The following TMEM106B variants were observed in gnomAD, a reference collection of about 807,000 sequenced individuals.
TMEM106B encodes transmembrane protein 106B.
TMEM106B carries 15 observed loss-of-function variants against 31.1 expected under a neutral mutation model. That is an observed-to-expected ratio of 0.48 (90% CI 0.32 to 0.74). The LOEUF (loss-of-function observed/expected upper bound fraction) is 0.74. Among genes scored for constraint, TMEM106B ranks in the 30% least tolerant of loss-of-function variants. The pLI is 0.03. For missense variants in TMEM106B, 283 were observed against 327.3 expected (o/e 0.86, Z 1.04); for synonymous variants, 126 against 112.5 (o/e 1.12, Z -0.76).
rs1359304358 is a variant in TMEM106B, at chr7:12,233,966, G to A, written c.*1991G>A. Reference sequence around the variant, plus strand: ...TAGTGAACTACACATTTACTAAAATGTGTAAATTTTACACATTTAGTGACT... The same window carrying A: ...TAGTGAACTACACATTTACTAAAATATGTAAATTTTACACATTTAGTGACT... On this transcript the variant is annotated 3_prime_UTR_variant, in exon 8 of 8. Coordinates refer to ENST00000396668, the MANE Select transcript of TMEM106B (RefSeq NM_001134232.2). The A allele has an allele frequency of 6.6e-6, 1 of 151,548 alleles. No individual in the cohort carries two copies. Among genetic ancestry groups the A allele is most frequent in the Non-Finnish European group, 1.5e-5 (1 of 67,662 alleles). The allele number at this position is 151,548 out of a possible 1,614,324, so 9.4% of individuals were successfully genotyped here.
rs534447331 is a variant in TMEM106B, at chr7:12,227,450, C to T, written c.442-2229C>T. Among the ~76,000 whole-genome samples, 4 of 152,100 alleles carry T rather than the reference C, an allele frequency of 2.6e-5. No homozygotes were observed. The South Asian group carries it at 8.3e-4, about 32-fold the overall frequency. ...ATATACATTTACAAATGTAATCATTCTCATGTGTAAAGGATACACACATTC... is the reference window on the plus strand; with the variant it reads ...ATATACATTTACAAATGTAATCATTTTCATGTGTAAAGGATACACACATTC... On this transcript the variant is annotated intron_variant, in intron 4 of 7. Coordinates refer to ENST00000396668, the MANE Select transcript of TMEM106B (RefSeq NM_001134232.2).
rs529020920 is a variant in TMEM106B, at chr7:12,239,809, A to G, written c.*7834A>G. ...GCTGCCTCCAAATACTTACAAAAACATCAAAGATCACTGATTACAGATCAT... is the reference window on the plus strand; with the variant it reads ...GCTGCCTCCAAATACTTACAAAAACGTCAAAGATCACTGATTACAGATCAT... On this transcript the variant is annotated 3_prime_UTR_variant, in exon 8 of 8. Transcript: ENST00000396668. The G allele has an allele frequency of 2.0e-5, 3 of 152,198 alleles. No individual in the cohort carries two copies. Among genetic ancestry groups the G allele is most frequent in the African/African-American group, 7.2e-5 (3 of 41,468 alleles). The allele number at this position is 152,198 out of a possible 1,614,324, so 9.4% of individuals were successfully genotyped here.
intron 1 of TMEM106B, among the ~76,000 whole-genome samples, chr7:12,212,236 T>C (rs1781594151): frequency 6.6e-6 from 1 of 152,170 alleles, no homozygotes; most frequent in Non-Finnish European, 1.5e-5. Flanking sequence ...CGCGCTCCAG[T>C]TAAGATGCAG....
At chr7:12,224,805 G>A (rs1781865921) in intron 4 of TMEM106B, among the ~76,000 whole-genome samples, 2 of 151,246 alleles carry the variant, frequency 1.3e-5, no homozygotes, top group African/African-American at 4.9e-5. Context: ...TCCTTTATCA[G>A]CTTTAAAGAT....
intron 3 of TMEM106B, among the ~76,000 whole-genome samples, chr7:12,222,831 G>A (rs998321952): frequency 1.3e-5 from 2 of 151,958 alleles, no homozygotes; most frequent in African/African-American, 2.4e-5. Context: ...TCTTAACTTG[G>A]GCAACTTAAA....
At chr7:12,219,880 C>G (rs757627766) in intron 3 of TMEM106B, among the ~76,000 whole-genome samples, 8 of 151,726 alleles carry the variant, frequency 5.3e-5, no homozygotes, top group Non-Finnish European at 1.0e-4. Context: ...AGAAGAAAAC[C>G]AAAGGAATAG....
At chr7:12,213,290 A>C (rs1390444124) in intron 1 of TMEM106B, among the ~76,000 whole-genome samples, 1 of 150,926 alleles carries the variant, frequency 6.6e-6, no homozygotes, top group Non-Finnish European at 1.5e-5. Context: ...TCAACTGTTG[A>C]ATGAAAAAAA....
chr7:12,214,806 T>C lies in TMEM106B; in HGVS notation c.-2-3T>C. On this transcript the variant is annotated splice_polypyrimidine_tract_variant and splice_region_variant and intron_variant, in intron 1 of 7. Transcript: ENST00000396668. ...TTACTGTAAGATTTTTATTTTTCTTTAGACATGGGAAAGTCTCTTTCTCAT... is the reference window on the plus strand; with the variant it reads ...TTACTGTAAGATTTTTATTTTTCTTCAGACATGGGAAAGTCTCTTTCTCAT... 6.3e-7 allele frequency: 1 copy of C among 1,599,210 alleles called. No individual in the cohort carries two copies. Among genetic ancestry groups the C allele is most frequent in the Non-Finnish European group, 8.5e-7 (1 of 1,173,494 alleles).
At chr7:12,217,990 A>T (rs1562703600) in intron 2 of TMEM106B, among the ~76,000 whole-genome samples, 1 of 152,078 alleles carries the variant, frequency 6.6e-6, no homozygotes, top group Non-Finnish European at 1.5e-5. Flanking sequence ...AAAGCTTGAG[A>T]CTTCTACTTC....
Position 12,235,159 on chromosome 7 carries a change from T to C in TMEM106B, c.*3184T>C, listed in dbSNP as rs1782106249. The C allele has an allele frequency of 6.6e-6, 1 of 152,352 alleles. No individual in the cohort carries two copies. Among genetic ancestry groups the C allele is most frequent in the African/African-American group, 2.4e-5 (1 of 41,430 alleles). 9.4% of individuals were successfully genotyped at this position (152,352 alleles called of 1,614,324 possible). ...GGAGAATGAACACTTATAAAATGCT[T>C]TGGAACATAATCTTTAGCTTAATTT... On this transcript the variant is annotated 3_prime_UTR_variant, in exon 8 of 8. Coordinates refer to ENST00000396668, the MANE Select transcript of TMEM106B (RefSeq NM_001134232.2).
chr7:12,220,773 G>A (rs1781770741), intron 3 of TMEM106B, among the ~76,000 whole-genome samples: 1 of 152,110 alleles, frequency 6.6e-6, no homozygotes, highest in African/African-American at 2.4e-5. Context: ...GTCAAATATA[G>A]TAAATGGTAT....
intron 7 of TMEM106B, chr7:12,231,437 T>C (rs541313184): frequency 5.7e-5 from 15 of 264,520 alleles, no homozygotes; most frequent in Admixed American, 5.6e-4. Context: ...AAGAATATTA[T>C]TGGTTTGTAA....
chr7:12,230,911 A>G (rs1022180360), intron 6 of TMEM106B, 151 bp from the exon 7 acceptor site: 5 of 527,606 alleles, frequency 9.5e-6, no homozygotes, highest in East Asian at 3.2e-5. Context: ...AGTCATGAAT[A>G]TATCAGTCAT....
rs761236016 is a variant in TMEM106B, at chr7:12,224,362, C to T, written c.418C>T (p.Arg140Cys). The change falls in exon 4 of 8, where the codon CGT becomes TGT. Residue 140 changes from arginine to cysteine, a missense_variant. Physicochemically the swap from Arg to Cys is radical, Grantham distance 180. This residue lies in a region of TMEM106B where 201 missense variants were observed against 211.5 expected (regional missense o/e 0.95). Coordinates refer to ENST00000396668, the MANE Select transcript of TMEM106B (RefSeq NM_001134232.2). The stretch of plus-strand genomic sequence containing the variant: ...CTATGTCAGTTATGATGTTCAGAAG[C>T]GTACAATTTATTTAAATATCACAGT... ...SAYVSYDVQKRTIYLNITNTL... is the reference protein window; with the variant it reads ...SAYVSYDVQKCTIYLNITNTL... 6 of 1,608,896 alleles carry T rather than the reference C, an allele frequency of 3.7e-6. No homozygotes were observed. The highest frequency in any genetic ancestry group is 1.3e-5 in the African/African-American group (1 of 74,716).
In TMEM106B at chr7:12,238,117, A is replaced by C. The variant is rs757773863; in HGVS notation, c.*6142A>C. ...TAGGTCTTTTTTCAAAATTGGAGCCAGTCCTCTCAAACCCTGCCTCTGCTT... is the reference window on the plus strand; with the variant it reads ...TAGGTCTTTTTTCAAAATTGGAGCCCGTCCTCTCAAACCCTGCCTCTGCTT... On this transcript the variant is annotated 3_prime_UTR_variant, in exon 8 of 8. Transcript: ENST00000396668. 6.6e-6 allele frequency: 1 copy of C among 152,614 alleles called. No individual in the cohort carries two copies. The highest frequency in any genetic ancestry group is 2.4e-5 in the African/African-American group (1 of 41,452). 9.5% of individuals were successfully genotyped at this position (152,614 alleles called of 1,614,324 possible).
chr7:12,221,128 T>C (rs1781777644), intron 3 of TMEM106B, among the ~76,000 whole-genome samples: 1 of 144,944 alleles, frequency 6.9e-6, no homozygotes, highest in Non-Finnish European at 1.5e-5. Flanking sequence ...CTGTGTACAT[T>C]TTTTTTACAT....
chr7:12,215,627 A>C (rs1366512321), intron 2 of TMEM106B: 1 of 389,150 alleles, frequency 2.6e-6, no homozygotes, highest in Non-Finnish European at 5.4e-6. Flanking sequence ...CATGTTTCCC[A>C]GGATGATGTC....
Position 12,240,501 on chromosome 7 carries a change from AT to A in TMEM106B, c.*8531del, listed in dbSNP as rs1423964736. 6.6e-6 allele frequency: 1 copy of A among 152,068 alleles called. No homozygotes were observed. Among genetic ancestry groups the A allele is most frequent in the African/African-American group, 2.4e-5 (1 of 41,420 alleles). The allele number at this position is 152,068 out of a possible 1,614,324, so 9.4% of individuals were successfully genotyped here. A position where few individuals can be genotyped will look rare whatever the true frequency, so the allele number is the denominator to read the frequency against. ...GCTTAGAGGTTGTGTTTTAATTACT[AT>A]TTTTAAAATCTTGTATGAGGTAGTA... is the stretch of plus-strand genomic sequence containing the variant. On this transcript the variant is annotated 3_prime_UTR_variant, in exon 8 of 8. Transcript: ENST00000396668.
Position 12,235,078 on chromosome 7 carries a change from A to C in TMEM106B, c.*3103A>C, listed in dbSNP as rs1171130976. Reference sequence around the variant, plus strand: ...AAAGTTCAAATAGTTAGTAGTGACAAACTAATACTGCTGGACTAAGATTTT... The same window carrying C: ...AAAGTTCAAATAGTTAGTAGTGACACACTAATACTGCTGGACTAAGATTTT... On this transcript the variant is annotated 3_prime_UTR_variant, in exon 8 of 8. Transcript: ENST00000396668. The C allele has an allele frequency of 6.6e-6, 1 of 152,324 alleles. No individual in the cohort carries two copies. The highest frequency in any genetic ancestry group is 2.4e-5 in the African/African-American group (1 of 41,426). The allele number at this position is 152,324 out of a possible 1,614,324, so 9.4% of individuals were successfully genotyped here.
Sources: allele counts gnomAD v4.1 joint callset (sites outside exome capture counted in the v4.1 genomes callset), GRCh38; gene constraint gnomAD v4.1.1; regional missense constraint gnomAD v4.1.1; transcripts MANE v1.5; gene names NCBI Gene and HGNC (gene_info 2026-07-23, HGNC 2026-07-21).